MDGA2: variants seen among roughly 807,000 people sequenced by gnomAD.
MDGA2 encodes MAM domain-containing glycosylphosphatidylinositol anchor protein 2.
Under a neutral mutation model 117.8 loss-of-function variants are expected in MDGA2, and 40 were observed. The observed-to-expected ratio is 0.34, with a 90% CI of 0.26 to 0.44. MDGA2 has a LOEUF of 0.44. Ranked by LOEUF, MDGA2 falls within the 20% of genes least tolerant of loss-of-function variation. MDGA2 has a pLI of 1.00. For missense variants in MDGA2, 1,123 were observed against 1,250.6 expected, an observed-to-expected ratio of 0.90 and a Z score of 1.54; for synonymous variants, 452 against 439.0, an observed-to-expected ratio of 1.03 and a Z score of -0.37.
chr14:47,662,277 T>C (rs1285510028), intron 1 of MDGA2, among the ~76,000 whole-genome samples: 2 of 150,726 alleles, frequency 1.3e-5, no homozygotes, highest in Non-Finnish European at 3.0e-5. Flanking sequence ...CACTCTTATA[T>C]ACTCTTAACA....
chr14:46,900,494 A>T (rs1021299346), intron 10 of MDGA2, among the ~76,000 whole-genome samples: 1 of 152,204 alleles, frequency 6.6e-6, no homozygotes, highest in Non-Finnish European at 1.5e-5. Flanking sequence ...AACAAACTGT[A>T]GGACACCCAT....
rs1566763386 is a variant in MDGA2 at position 47,383,976 on chromosome 14, A to AGAGAGAT, written c.281-82427_281-82426insATCTCTC. Among the ~76,000 whole-genome samples, 4 of 124,328 alleles carry AGAGAGAT rather than the reference A, an allele frequency of 3.2e-5. No homozygotes were observed. In the East Asian group the frequency reaches 9.2e-4, roughly 29 times the overall value. 81.6% of individuals were successfully genotyped at this position (124,328 alleles called of 152,430 possible). ...AAAGTCTCTATGTATAGAGTTAAAT[A>AGAGAGAT]GATAGATGATAGATAGATAGATAGA... is the stretch of plus-strand genomic sequence containing the variant. On this transcript the variant is annotated intron_variant, in intron 1 of 16. Transcript: ENST00000399232.
intron 1 of MDGA2, among the ~76,000 whole-genome samples, chr14:47,337,911 C>T (rs1380123646): frequency 6.6e-6 from 1 of 151,792 alleles, no homozygotes; most frequent in East Asian, 1.9e-4. Flanking sequence ...CTATGAATAC[C>T]CCTTATTTTG....
At chr14:47,523,723 G>A (rs1299964169) in intron 1 of MDGA2, among the ~76,000 whole-genome samples, 1 of 152,102 alleles carries the variant, frequency 6.6e-6, no homozygotes, top group Non-Finnish European at 1.5e-5. Context: ...TGAGCCTATA[G>A]CTAGACTAGG....
At chr14:46,949,302 G>A (rs1234628218) in intron 9 of MDGA2, among the ~76,000 whole-genome samples, 2 of 151,990 alleles carry the variant, frequency 1.3e-5, no homozygotes, top group Admixed American at 1.3e-4. Flanking sequence ...ATGTGGACTA[G>A]AGGAGTTCAC....
intron 1 of MDGA2, among the ~76,000 whole-genome samples, chr14:47,404,200 T>A (rs1892213819): frequency 6.6e-6 from 1 of 152,136 alleles, no homozygotes; most frequent in African/African-American, 2.4e-5. Context: ...CTTTTTTTTT[T>A]TTTAAGACAG....
At chr14:47,426,239 T>A (rs1447521111) in intron 1 of MDGA2, among the ~76,000 whole-genome samples, 2 of 152,128 alleles carry the variant, frequency 1.3e-5, no homozygotes, top group East Asian at 3.9e-4. Context: ...CTAATTTGAC[T>A]CCCATCGGAG....
At chr14:47,634,502 G>A (rs1897292618) in intron 1 of MDGA2, among the ~76,000 whole-genome samples, 1 of 152,076 alleles carries the variant, frequency 6.6e-6, no homozygotes, top group South Asian at 2.1e-4. Flanking sequence ...TAAAAACACA[G>A]TCTTAGAATT....
At chr14:47,609,428 C>CATATATATTTATATATATATAT (rs1896800089) in intron 1 of MDGA2, among the ~76,000 whole-genome samples, 1 of 17,558 alleles carries the variant, frequency 5.7e-5, no homozygotes, top group Non-Finnish European at 1.4e-4. Flanking sequence ...AGTATTCCAT[C>CATATATATTTATATATATATAT]ATATATATAT....
At chr14:47,430,786 C>T (rs1251302184) in intron 1 of MDGA2, among the ~76,000 whole-genome samples, 2 of 152,036 alleles carry the variant, frequency 1.3e-5, no homozygotes, top group East Asian at 1.9e-4. Context: ...TGACAGTACA[C>T]AAAATGACCA....
intron 5 of MDGA2, among the ~76,000 whole-genome samples, chr14:47,110,228 T>C (rs1197592429): frequency 1.3e-5 from 2 of 152,082 alleles, no homozygotes; most frequent in South Asian, 2.1e-4. Context: ...ATTTATACCA[T>C]TGAACATTAT....
At chr14:47,191,419 C>CATATAT (rs59188931) in intron 3 of MDGA2, among the ~76,000 whole-genome samples, 135 of 143,526 alleles carry the variant, frequency 9.4e-4, no homozygotes, top group Middle Eastern at 3.7e-3. Context: ...TATATATTTA[C>CATATAT]ATATATATAT....
At chr14:47,597,877 C>T (rs962714298) in intron 1 of MDGA2, among the ~76,000 whole-genome samples, 2 of 148,532 alleles carry the variant, frequency 1.3e-5, no homozygotes, top group Admixed American at 6.7e-5. Flanking sequence ...CACACACACA[C>T]ACACACAAAA....
At chr14:46,968,434 A>G (rs918951673) in intron 8 of MDGA2, among the ~76,000 whole-genome samples, 2 of 152,194 alleles carry the variant, frequency 1.3e-5, no homozygotes, top group African/African-American at 4.8e-5. Context: ...TTAGGCAAGA[A>G]AAAGAAATAA....
chr14:47,655,375 T>C (rs1280641716), intron 1 of MDGA2, among the ~76,000 whole-genome samples: 1 of 152,120 alleles, frequency 6.6e-6, no homozygotes, highest in East Asian at 1.9e-4. Context: ...TATAATAACT[T>C]TTCTGTCCTC....
chr14:47,453,036 C>T (rs970145136), intron 1 of MDGA2, among the ~76,000 whole-genome samples: 2 of 151,904 alleles, frequency 1.3e-5, no homozygotes, highest in Admixed American at 6.6e-5. Flanking sequence ...TTATAACAGT[C>T]TACCTTAAGT....
intron 1 of MDGA2, among the ~76,000 whole-genome samples, chr14:47,649,620 G>C (rs1161198046): frequency 6.6e-6 from 1 of 152,064 alleles, no homozygotes; most frequent in Non-Finnish European, 1.5e-5. Flanking sequence ...GGGAGGCAGA[G>C]GTTATAGTAA....
chr14:47,111,044 T>C lies in MDGA2; in HGVS notation c.926-13921A>G, dbSNP rs147060234. 1.8e-4 allele frequency among the ~76,000 whole-genome samples: 28 copies of C among 152,318 alleles called. No individual in the cohort carries two copies. In the East Asian group the frequency reaches 5.2e-3, roughly 28 times the overall value. On this transcript the variant is annotated intron_variant, in intron 5 of 16. Coordinates refer to ENST00000399232, the MANE Select transcript of MDGA2 (RefSeq NM_001113498.3). Reference sequence around the variant, plus strand: ...TTAGAAAAAAAACAGGCCAAAATCCTGCCCTTGTGGAGTTTGTAATTAGGA... The same window carrying C: ...TTAGAAAAAAAACAGGCCAAAATCCCGCCCTTGTGGAGTTTGTAATTAGGA...
intron 1 of MDGA2, among the ~76,000 whole-genome samples, chr14:47,370,810 A>G (rs1891339941): frequency 6.6e-6 from 1 of 151,544 alleles, no homozygotes; most frequent in South Asian, 2.1e-4. Context: ...ACTTCAAATA[A>G]TACATCCTCT....
Sources: allele counts gnomAD v4.1 joint callset (sites outside exome capture counted in the v4.1 genomes callset), GRCh38; gene constraint gnomAD v4.1.1; transcripts MANE v1.5; gene names NCBI Gene and HGNC (gene_info 2026-07-23, HGNC 2026-07-21).